The following PCDHA7 variants were observed in gnomAD, a reference collection of about 807,000 sequenced individuals.
PCDHA7 encodes the protein protocadherin alpha 7.
Under a neutral mutation model 57.2 loss-of-function variants are expected in PCDHA7, and 37 were observed. The ratio of observed to expected loss-of-function variants is 0.65; its 90% CI spans 0.50 to 0.85. The LOEUF is 0.85. Among genes scored for constraint, PCDHA7 ranks in the 40% least tolerant of loss-of-function variants. The pLI is 0.00. For missense variants in PCDHA7, 1,188 were observed against 1,241.8 expected (o/e 0.96, Z 0.65); for synonymous variants, 553 against 558.8 (o/e 0.99, Z 0.15).
chr5:141,002,598 C>T (rs2098087385), intron 3 of PCDHA7, among the ~76,000 whole-genome samples: 1 of 152,212 alleles, frequency 6.6e-6, no homozygotes, highest in Admixed American at 6.5e-5. Flanking sequence ...GTCCCCTCAT[C>T]TATAAAACAG....
chr5:140,869,288 G>A lies in PCDHA7; in HGVS notation c.2355+32550G>A, dbSNP rs950790626. 6.2e-6 allele frequency: 10 copies of A among 1,613,460 alleles called. No individual in the cohort carries two copies. The highest frequency in any genetic ancestry group is 1.7e-5 in the Admixed American group (1 of 59,996). On this transcript the variant is annotated intron_variant, in intron 1 of 3. Coordinates refer to ENST00000525929, the MANE Select transcript of PCDHA7 (RefSeq NM_018910.3). ...CTGGAGCTGGCGGAGCTGGTGCAGC[G>A]CCTGTTCCGGGTGGCGTCCAAAACA...
chr5:140,940,045 G>T (rs2092536047), intron 1 of PCDHA7, among the ~76,000 whole-genome samples: 1 of 152,038 alleles, frequency 6.6e-6, no homozygotes, highest in African/African-American at 2.4e-5. Flanking sequence ...TATTTTATTA[G>T]ATTCTTAACC....
At chr5:140,862,045 A>T (rs544547077) in intron 1 of PCDHA7, 1 of 155,812 alleles carries the variant, frequency 6.4e-6, no homozygotes, top group South Asian at 2.0e-4. Context: ...AAACCGTCAC[A>T]TTGTTTCTTT....
At chr5:140,851,826 T>A (rs2042172303) in intron 1 of PCDHA7, 1 of 965,750 alleles carries the variant, frequency 1.0e-6, no homozygotes, top group Non-Finnish European at 1.3e-6. Context: ...GAAATCTGTT[T>A]TTTTAAAAAT....
At chr5:140,986,852 A>G (rs889945842) in intron 3 of PCDHA7, among the ~76,000 whole-genome samples, 1 of 152,190 alleles carries the variant, frequency 6.6e-6, no homozygotes, top group Admixed American at 6.5e-5. Flanking sequence ...CAGCAACACC[A>G]ACAATACCCG....
At position 140,840,851 on chromosome 5, in the gene PCDHA7, A is replaced by G. The variant is rs2150309706; in HGVS notation, c.2355+4113A>G. On this transcript the variant is annotated intron_variant, in intron 1 of 3. Coordinates refer to ENST00000525929, the MANE Select transcript of PCDHA7 (RefSeq NM_018910.3). ...AAATAAATATTAATGCATTTCTTCC[A>G]CACGAAACTATGGAGGACAGTTTAC... is the stretch of plus-strand genomic sequence containing the variant. Among the ~76,000 whole-genome samples the G allele has an allele frequency of 2.2e-4, 34 of 152,166 alleles. 1 individual carries two copies. The highest frequency in any genetic ancestry group is 1.5e-5 in the Non-Finnish European group (1 of 68,006).
At chr5:140,981,207 T>C (rs1163326728) in intron 2 of PCDHA7, among the ~76,000 whole-genome samples, 1 of 152,230 alleles carries the variant, frequency 6.6e-6, no homozygotes, top group Non-Finnish European at 1.5e-5. Context: ...TTGCCTCATA[T>C]AACCCCTTTA....
At chr5:140,999,713 G>A (rs533034174) in intron 3 of PCDHA7, among the ~76,000 whole-genome samples, 2 of 152,226 alleles carry the variant, frequency 1.3e-5, no homozygotes, top group South Asian at 4.2e-4. Flanking sequence ...AGCTAACTAC[G>A]GAGACCAGCC....
intron 1 of PCDHA7, chr5:140,858,598 T>C: frequency 7.7e-7 from 1 of 1,294,926 alleles, no homozygotes; most frequent in Non-Finnish European, 1.1e-6. Context: ...TTCCAGGAGT[T>C]TTAAAATTTT....
rs139625618 is a variant in PCDHA7 at position 141,008,025 on chromosome 5, T to C, written c.2504-1602T>C. 1.8e-3 allele frequency among the ~76,000 whole-genome samples: 273 copies of C among 152,354 alleles called. 1 individual carries two copies. Among genetic ancestry groups the C allele is most frequent in the Middle Eastern group, 6.8e-3 (2 of 294 alleles). Reference sequence around the variant, plus strand: ...TAAACTTCTGTTTCCTTTTTTTTCTTGTTAATCTGCCTTTTGTAACAGGGG... The same window carrying C: ...TAAACTTCTGTTTCCTTTTTTTTCTCGTTAATCTGCCTTTTGTAACAGGGG... On this transcript the variant is annotated intron_variant, in intron 3 of 3. Transcript: ENST00000525929.
At chr5:140,964,009 A>G (rs1435043905) in intron 1 of PCDHA7, among the ~76,000 whole-genome samples, 1 of 152,160 alleles carries the variant, frequency 6.6e-6, no homozygotes, top group Non-Finnish European at 1.5e-5. Context: ...CTACTTTTTA[A>G]TAGAGAGCTC....
At chr5:140,842,863 C>A (rs1431713195) in intron 1 of PCDHA7, 4 of 1,593,844 alleles carry the variant, frequency 2.5e-6, no homozygotes, top group African/African-American at 1.3e-5. Context: ...ACACGGAGAG[C>A]GGCAAGGTGT....
intron 1 of PCDHA7, among the ~76,000 whole-genome samples, chr5:140,902,641 G>T (rs2069615645): frequency 6.6e-6 from 1 of 152,080 alleles, no homozygotes; most frequent in Non-Finnish European, 1.5e-5. Context: ...TGATTTCTGA[G>T]ATTTTGGTGC....
At chr5:140,840,317 G>A (rs193301017) in intron 1 of PCDHA7, among the ~76,000 whole-genome samples, 6 of 151,994 alleles carry the variant, frequency 3.9e-5, no homozygotes, top group East Asian at 1.9e-4. Flanking sequence ...AACTTTGGTC[G>A]ACTCATTTTC....
At chr5:140,908,041 G>T (rs2073758972) in intron 1 of PCDHA7, among the ~76,000 whole-genome samples, 1 of 152,112 alleles carries the variant, frequency 6.6e-6, no homozygotes, top group Non-Finnish European at 1.5e-5. Context: ...GTATATAATT[G>T]CACATCCGGC....
Position 140,877,047 on chromosome 5 carries a change from C to T in PCDHA7, c.2355+40309C>T, listed in dbSNP as rs372059660. The T allele has an allele frequency of 5.6e-6, 9 of 1,612,564 alleles. No homozygotes were observed. The African/African-American group carries it at 1.2e-4, about 22-fold the overall frequency. On this transcript the variant is annotated intron_variant, in intron 1 of 3. Transcript: ENST00000525929. ...TGTACGCGCTGCAGCCGCTAGACCA[C>T]GAGGAGCTGGAGCTGCTGCAGTTCC...
At chr5:140,963,397 G>A (rs1190925238) in intron 1 of PCDHA7, among the ~76,000 whole-genome samples, 1 of 152,160 alleles carries the variant, frequency 6.6e-6, no homozygotes, top group Admixed American at 6.5e-5. Context: ...GCTCCCTACT[G>A]GATGCTGTAG....
intron 1 of PCDHA7, chr5:140,928,279 TCTCTAGGC>T: frequency 6.2e-7 from 1 of 1,614,144 alleles, no homozygotes; most frequent in Non-Finnish European, 8.5e-7. Flanking sequence ...CCCTGGGGCC[TCTCTAGGC>T]CGAGTGTTTG....
At chr5:140,966,882 C>A (rs782464160) in intron 1 of PCDHA7, 1 of 1,589,690 alleles carries the variant, frequency 6.3e-7, no homozygotes, top group Non-Finnish European at 8.5e-7. Context: ...CTACCTGGCC[C>A]TGCGGCCTCC....
Sources: allele counts gnomAD v4.1 joint callset (sites outside exome capture counted in the v4.1 genomes callset), GRCh38; gene constraint gnomAD v4.1.1; transcripts MANE v1.5; gene names NCBI Gene and HGNC (gene_info 2026-07-23, HGNC 2026-07-21).